Variants in HSPBAP1 observed in about 807,000 individuals in gnomAD.
The protein encoded by HSPBAP1 is HSPB1-associated protein 1.
Under a neutral mutation model 45.2 loss-of-function variants are expected in HSPBAP1, and 27 were observed. The observed-to-expected ratio is 0.60, with a 90% confidence interval of 0.44 to 0.82. HSPBAP1 has a LOEUF of 0.82. HSPBAP1 is among the 40% of genes least tolerant of loss of function. The probability of loss-of-function intolerance (pLI) is 0.00; values close to 1 mark genes in which losing one functional copy is unlikely to be tolerated. For synonymous variants in HSPBAP1, 204 were observed against 202.7 expected (o/e 1.01, Z -0.06); for missense variants, 510 against 590.9 (o/e 0.86, Z 1.42).
chr3:122,786,695 G>C (rs1935667190), intron 1 of HSPBAP1, among the ~76,000 whole-genome samples: 1 of 152,146 alleles, frequency 6.6e-6, no homozygotes, highest in Admixed American at 6.5e-5. Flanking sequence ...CCTAGTGACT[G>C]GTATATATTA....
intron 6 of HSPBAP1, among the ~76,000 whole-genome samples, chr3:122,747,065 C>T (rs1202852550): frequency 6.6e-5 from 10 of 152,138 alleles, no homozygotes; most frequent in African/African-American, 1.9e-4. Flanking sequence ...AGCCTCTGCC[C>T]GGCCGCCACC....
chr3:122,770,769 G>C (rs1402277673), intron 2 of HSPBAP1, among the ~76,000 whole-genome samples: 1 of 152,150 alleles, frequency 6.6e-6, no homozygotes, highest in Admixed American at 6.6e-5. Flanking sequence ...TAAAAGCACA[G>C]AATTACATAA....
chr3:122,790,329 T>C (rs1006818111), intron 1 of HSPBAP1, among the ~76,000 whole-genome samples: 1 of 152,218 alleles, frequency 6.6e-6, no homozygotes, highest in Admixed American at 6.5e-5. Context: ...AGTCTTCCCC[T>C]TTTTCACCCA....
chr3:122,787,323 T>C (rs534754812), intron 1 of HSPBAP1, among the ~76,000 whole-genome samples: 79 of 152,338 alleles, frequency 5.2e-4, no homozygotes, highest in African/African-American at 1.9e-3. Flanking sequence ...TGAAACCTAA[T>C]TTCTCTGAGA....
Position 122,793,797 on chromosome 3 carries a change from T to A in HSPBAP1, c.-117A>T. ...CACCACAGGAAGGAGCCCCGGCGACTCCCGCCCGGCTCCTACGGAAACGCC... is the reference window on the plus strand; with the variant it reads ...CACCACAGGAAGGAGCCCCGGCGACACCCGCCCGGCTCCTACGGAAACGCC... On this transcript the variant is annotated 5_prime_UTR_variant, in exon 1 of 8. Coordinates refer to ENST00000306103, the MANE Select transcript of HSPBAP1 (RefSeq NM_024610.6). 2.3e-6 allele frequency: 2 copies of A among 864,602 alleles called. No homozygotes were observed. The highest frequency in any genetic ancestry group is 3.1e-5 in the South Asian group (2 of 64,368). 53.6% of individuals were successfully genotyped at this position (864,602 alleles called of 1,614,324 possible).
chr3:122,750,915 A>G (rs1462807582), intron 6 of HSPBAP1, among the ~76,000 whole-genome samples: 1 of 152,248 alleles, frequency 6.6e-6, no homozygotes, highest in African/African-American at 2.4e-5. Context: ...ATGAAAATTA[A>G]CAGGGATGAC....
chr3:122,744,391 C>T (rs1365355285), intron 6 of HSPBAP1, among the ~76,000 whole-genome samples: 47 of 152,152 alleles, frequency 3.1e-4, no homozygotes, highest in Admixed American at 3.1e-3. Flanking sequence ...ATGGTAGGCT[C>T]TAAAACCTAT....
chr3:122,766,656 T>C (rs1319250831), intron 3 of HSPBAP1, among the ~76,000 whole-genome samples: 1 of 152,202 alleles, frequency 6.6e-6, no homozygotes, highest in Non-Finnish European at 1.5e-5. Context: ...AGAGTGAGCC[T>C]ACACTCAGGA....
At chr3:122,765,081 C>G (rs1200182902) in intron 3 of HSPBAP1, among the ~76,000 whole-genome samples, 1 of 152,108 alleles carries the variant, frequency 6.6e-6, no homozygotes, top group African/African-American at 2.4e-5. Flanking sequence ...GTGATGCTTT[C>G]TGATGAGACA....
At position 122,768,818 on chromosome 3, in the gene HSPBAP1, G is replaced by A; in HGVS notation, c.315C>T (p.Asn105=). The change falls in exon 3 of 8, where the codon AAC becomes AAT. Residue 105 remains asparagine, a synonymous_variant. Transcript: ENST00000306103. ...EATLEEFLTW[N]CDQSSISGPF... ...GTCCAGAAATACTAGACTGGTCACA[G>A]TTCCAGGTCAGAAACTCTTCGAGTG... 1 of 1,612,232 alleles carries A rather than the reference G, an allele frequency of 6.2e-7. No homozygotes were observed. Among genetic ancestry groups the A allele is most frequent in the South Asian group, 1.1e-5 (1 of 91,064 alleles).
At chr3:122,785,765 C>A (rs1211414222) in intron 1 of HSPBAP1, among the ~76,000 whole-genome samples, 2 of 152,142 alleles carry the variant, frequency 1.3e-5, no homozygotes, top group Non-Finnish European at 1.5e-5. Context: ...TTCTTCCTTA[C>A]TAAAGAACTT....
chr3:122,763,229 C>T (rs989195321), intron 3 of HSPBAP1, among the ~76,000 whole-genome samples: 7 of 152,104 alleles, frequency 4.6e-5, no homozygotes, highest in Non-Finnish European at 1.0e-4. Flanking sequence ...CTAGAACTGC[C>T]AAACTAACCT....
At chr3:122,783,089 G>A (rs575142272) in intron 1 of HSPBAP1, among the ~76,000 whole-genome samples, 2 of 152,338 alleles carry the variant, frequency 1.3e-5, no homozygotes, top group Admixed American at 1.3e-4. Context: ...AAGACTCAGG[G>A]AGTGTGTGCA....
At chr3:122,792,928 C>T (rs1373109298) in intron 1 of HSPBAP1, among the ~76,000 whole-genome samples, 2 of 151,872 alleles carry the variant, frequency 1.3e-5, no homozygotes. Context: ...TCAAACTATT[C>T]GCTCCTTGAA....
chr3:122,742,023 C>T (rs13090966), intron 6 of HSPBAP1, among the ~76,000 whole-genome samples: 13,281 of 151,788 alleles, frequency 0.087, 680 homozygotes, highest in East Asian at 0.13. Context: ...GAGATTTATA[C>T]ACAGTCTAGA....
intron 2 of HSPBAP1, among the ~76,000 whole-genome samples, chr3:122,773,149 C>T (rs1935060931): frequency 6.6e-6 from 1 of 151,838 alleles, no homozygotes; most frequent in African/African-American, 2.4e-5. Flanking sequence ...CTGTGCCATG[C>T]CACAATCTTC....
At chr3:122,793,528 G>A in intron 1 of HSPBAP1, 89 bp downstream of exon 1, 2 of 1,156,372 alleles carry the variant, frequency 1.7e-6, no homozygotes, top group Non-Finnish European at 2.6e-6. Flanking sequence ...CCTGGGTTGG[G>A]GCTAAGGCAA....
rs10715841 is a variant in HSPBAP1 at position 122,760,543 on chromosome 3, A to AT, written c.433-1184dup. ...GGTTTTGAGGAAGACTAGAAAGAGC[A>AT]TTTTTTTTTTTCATTTTTGCTTTGA... On this transcript the variant is annotated intron_variant, in intron 3 of 7. Transcript: ENST00000306103. 1.8e-4 allele frequency among the ~76,000 whole-genome samples: 27 copies of AT among 150,264 alleles called. No individual in the cohort carries two copies. In the East Asian group the frequency reaches 3.5e-3, roughly 20 times the overall value.
intron 1 of HSPBAP1, among the ~76,000 whole-genome samples, chr3:122,779,806 G>A (rs374763828): frequency 0.051 from 7,633 of 151,076 alleles, 242 homozygotes; most frequent in Middle Eastern, 0.091. Flanking sequence ...ACATGTTTCA[G>A]AGAGCACAGG....
Sources: gnomAD v4.1 joint callset for allele counts (sites outside exome capture counted in the v4.1 genomes callset) on GRCh38, gnomAD v4.1.1 for gene constraint, MANE v1.5 for transcripts, NCBI Gene and HGNC (gene_info 2026-07-23, HGNC 2026-07-21) for gene names.